The following AGT variants were observed in gnomAD, a reference collection of about 807,000 sequenced individuals.
The protein encoded by AGT is angiotensinogen.
In AGT, 26 loss-of-function variants were observed where a neutral mutation model predicts 28.1. The observed-to-expected ratio is 0.92, with a 90% confidence interval of 0.68 to 1.28. The LOEUF is 1.28. Among genes scored for constraint, AGT ranks in the 50% most tolerant of loss-of-function variants. The probability of loss-of-function intolerance (pLI) is 0.00; values close to 1 mark genes in which losing one functional copy is unlikely to be tolerated. For missense variants in AGT, 596 were observed against 592.3 expected (o/e 1.01, Z -0.06); for synonymous variants, 259 against 259.6 (o/e 1.00, Z 0.02).
At chr1:230,742,280 G>A (rs987602978) in intron 1 of AGT, among the ~76,000 whole-genome samples, 9 of 151,842 alleles carry the variant, frequency 5.9e-5, no homozygotes, top group African/African-American at 1.2e-4. Flanking sequence ...ACAAATGCTG[G>A]CATACTCTAC....
At chr1:230,717,265 C>T (rs147091794), upstream of AGT, among the ~76,000 whole-genome samples, 187 of 151,986 alleles carry the variant, frequency 1.2e-3, no homozygotes, top group African/African-American at 4.3e-3. Context: ...CTTTTCCCTA[C>T]AGGGATGATG....
At chr1:230,742,670 G>A (rs1664267843) in intron 1 of AGT, among the ~76,000 whole-genome samples, 1 of 152,140 alleles carries the variant, frequency 6.6e-6, no homozygotes, top group Non-Finnish European at 1.5e-5. Flanking sequence ...ATCAGTGTAT[G>A]CAGAGTTTCC....
At chr1:230,712,735 G>A (rs943757269) in intron 1 of AGT, among the ~76,000 whole-genome samples, 1 of 152,240 alleles carries the variant, frequency 6.6e-6, no homozygotes, top group Non-Finnish European at 1.5e-5. Flanking sequence ...GGCAGAGACT[G>A]TCGTTTGTTC....
In AGT at chr1:230,710,451, G is replaced by A. The variant is rs376049907; in HGVS notation, c.373C>T (p.Leu125Phe). The stretch of plus-strand genomic sequence containing the variant: ...GTGCCAAAGACAGCCGTTGGGGAGA[G>A]GACGGTGGCCCCATGGACCACGCCC... ...LWGVVHGATV[L>F]SPTAVFGTLA... is the part of the protein sequence containing the mutation. The change falls in exon 2 of 5, where the codon CTC becomes TTC. Residue 125 changes from leucine (L) to phenylalanine (F), a missense_variant. By Grantham distance (22) the Leu-to-Phe change is conservative. Transcript: ENST00000366667. The A allele has an allele frequency of 3.1e-6, 5 of 1,614,128 alleles. No individual in the cohort carries two copies. In the African/African-American group the frequency reaches 5.3e-5, roughly 17 times the overall value.
At chr1:230,718,229 G>A (rs1663777376), upstream of AGT, among the ~76,000 whole-genome samples, 3 of 152,056 alleles carry the variant, frequency 2.0e-5, no homozygotes, top group South Asian at 6.2e-4. Flanking sequence ...ACAGGCATAA[G>A]CCACCATTCT....
chr1:230,732,243 A>G lies in AGT; in HGVS notation c.-31+13272T>C, dbSNP rs577107133. On this transcript the variant is annotated intron_variant, in intron 1 of 4. Coordinates refer to the AGT transcript ENST00000681269. ...CTCAAATTCTGGGCCTCAAGCAATC[A>G]TTCCACCATGGCCTCCCAAAGAGTT... 1.4e-4 allele frequency among the ~76,000 whole-genome samples: 21 copies of G among 152,296 alleles called. No homozygotes were observed. The East Asian group carries it at 4.1e-3, about 29-fold the overall frequency.
chr1:230,706,320 G>GCC, intron 2 of AGT, 120 bp from the exon 3 acceptor site: 1 of 1,149,466 alleles, frequency 8.7e-7, no homozygotes, highest in Non-Finnish European at 1.2e-6. Flanking sequence ...TCCTTCCTTG[G>GCC]CCCCCCCCAG....
intron 2 of AGT, among the ~76,000 whole-genome samples, chr1:230,707,388 G>GT (rs1410633567): frequency 7.2e-5 from 11 of 152,212 alleles, no homozygotes; most frequent in African/African-American, 2.7e-4. Context: ...GCACTTGGGA[G>GT]TCTGAGTAGA....
chr1:230,704,340 G>C lies in AGT; in HGVS notation c.1098-3C>G, dbSNP rs1466483827. On this transcript the variant is annotated splice_region_variant and splice_polypyrimidine_tract_variant and intron_variant, in intron 3 of 4. Coordinates refer to ENST00000366667, the MANE Select transcript of AGT (RefSeq NM_001384479.1). ...GGGGCATGGTCAGGTGGATGGTCCT[G>C]GGGAGATGATGCACAGTTAGGAAGG... 6.2e-7 allele frequency: 1 copy of C among 1,614,076 alleles called. No individual in the cohort carries two copies. The highest frequency in any genetic ancestry group is 8.5e-7 in the Non-Finnish European group (1 of 1,179,986).
intron 1 of AGT, among the ~76,000 whole-genome samples, chr1:230,711,266 G>T (rs908709499): frequency 6.6e-6 from 1 of 152,036 alleles, no homozygotes; most frequent in Non-Finnish European, 1.5e-5. Flanking sequence ...ACAGAGGGAA[G>T]ACCATGTGGG....
intron 2 of AGT, among the ~76,000 whole-genome samples, chr1:230,708,629 G>C (rs567561124): frequency 2.4e-4 from 36 of 152,114 alleles, no homozygotes; most frequent in African/African-American, 8.4e-4. Context: ...TTCACCTCCC[G>C]CCTGGCTCTC....
chr1:230,710,891 T>C, intron 1 of AGT, 38 bp from the exon 2 acceptor site: 1 of 1,602,224 alleles, frequency 6.2e-7, no homozygotes, highest in Non-Finnish European at 8.5e-7. Flanking sequence ...AGGTGGTTAT[T>C]AACTGACCTT....
chr1:230,722,489 C>T (rs1467077538), intron 1 of AGT, among the ~76,000 whole-genome samples: 2 of 152,216 alleles, frequency 1.3e-5, no homozygotes, highest in African/African-American at 4.8e-5. Context: ...GCACCATGCA[C>T]CTGGAAAAGC....
chr1:230,745,173 A>T (rs1292678204), intron 1 of AGT, among the ~76,000 whole-genome samples: 1 of 152,224 alleles, frequency 6.6e-6, no homozygotes, highest in African/African-American at 2.4e-5. Context: ...ATGCCTTGCA[A>T]GTTGAGGCAA....
chr1:230,710,817 G>A lies in AGT; in HGVS notation c.7C>T (p.Pro3Ser), dbSNP rs1319418379. The A allele has an allele frequency of 9.3e-6, 15 of 1,613,888 alleles. No individual in the cohort carries two copies. The highest frequency in any genetic ancestry group is 1.2e-5 in the Non-Finnish European group (14 of 1,180,040). The change falls in exon 2 of 5, where the codon CCT (proline) becomes TCT (serine). Residue 3 changes from proline to serine, a missense_variant. Coordinates refer to ENST00000366667, the MANE Select transcript of AGT (RefSeq NM_001384479.1). ...GTGGCCCTCAGGCTCACACCGGCAG[G>A]AGCCATCTCAGACTGGGGTGCTCGC... MA[P>S]AGVSLRATIL...
chr1:230,738,411 A>C (rs1315374996), intron 1 of AGT, among the ~76,000 whole-genome samples: 1 of 152,252 alleles, frequency 6.6e-6, no homozygotes, highest in Non-Finnish European at 1.5e-5. Context: ...ATATGTAAAA[A>C]GTGCTATAAA....
chr1:230,729,522 A>G (rs1009221558), intron 1 of AGT, among the ~76,000 whole-genome samples: 14 of 152,176 alleles, frequency 9.2e-5, no homozygotes, highest in African/African-American at 3.4e-4. Context: ...GTGTTTCTCA[A>G]GGACCCGGGA....
Position 230,702,908 on chromosome 1 carries a change from A to G in AGT, c.*233T>C. On this transcript the variant is annotated 3_prime_UTR_variant, in exon 5 of 5. Transcript: ENST00000366667. ...CCCATTCTCTAAAATAAACCCAGCA[A>G]ACTGGGAGGTGCATTTGTGCCGCTG... The G allele has an allele frequency of 1.8e-6, 1 of 566,462 alleles. No homozygotes were observed. The highest frequency in any genetic ancestry group is 3.1e-6 in the Non-Finnish European group (1 of 318,572). The allele number at this position is 566,462 out of a possible 1,614,324, so 35.1% of individuals were successfully genotyped here. A position where few individuals can be genotyped will look rare whatever the true frequency, so the allele number is the denominator to read the frequency against.
At chr1:230,717,454 T>C (rs1663759814), upstream of AGT, among the ~76,000 whole-genome samples, 1 of 152,120 alleles carries the variant, frequency 6.6e-6, no homozygotes, top group South Asian at 2.1e-4. Flanking sequence ...TATGATGCAA[T>C]CAAACCTGGA....
Sources: allele counts gnomAD v4.1 joint callset (sites outside exome capture counted in the v4.1 genomes callset), GRCh38; gene constraint gnomAD v4.1.1; transcripts MANE v1.5; gene names NCBI Gene and HGNC (gene_info 2026-07-23, HGNC 2026-07-21).